Variants in ABI2 observed in about 807,000 individuals in gnomAD.
ABI2 encodes abl interactor 2.
In ABI2, 25 loss-of-function variants were observed where a neutral mutation model predicts 59.2. The observed-to-expected ratio is 0.42, with a 90% CI of 0.31 to 0.59. ABI2 has a LOEUF of 0.59. Ranked by LOEUF, ABI2 falls within the 20% of genes least tolerant of loss-of-function variation. ABI2 has a pLI of 0.14. For missense variants in ABI2, 545 were observed against 681.8 expected, an observed-to-expected ratio of 0.80 and a Z score of 2.23; for synonymous variants, 213 against 235.5, an observed-to-expected ratio of 0.90 and a Z score of 0.87.
chr2:203,392,218 T>C (rs554852715), intron 5 of ABI2, among the ~76,000 whole-genome samples: 4 of 152,096 alleles, frequency 2.6e-5, no homozygotes, highest in Non-Finnish European at 2.9e-5. Context: ...TTATGATATA[T>C]GCTAAACAAG....
Position 203,328,446 on chromosome 2 carries a change from T to G in ABI2, c.-69T>G. 7.6e-7 allele frequency: 1 copy of G among 1,323,688 alleles called. No homozygotes were observed. The allele number at this position is 1,323,688 out of a possible 1,614,324, so 82.0% of individuals were successfully genotyped here. A position where few individuals can be genotyped will look rare whatever the true frequency, so the allele number is the denominator to read the frequency against. ...CCGCTCCTCCTCTCCCGGTCCTGGG[T>G]TTCCTTGGCGCTGCGGCCGCCGCTC... On this transcript the variant is annotated 5_prime_UTR_variant, in exon 1 of 12. Transcript: ENST00000261018.
intron 8 of ABI2, among the ~76,000 whole-genome samples, chr2:203,400,635 T>C (rs1411524819): frequency 6.6e-6 from 1 of 152,198 alleles, no homozygotes; most frequent in African/African-American, 2.4e-5. Context: ...TGCTTAAGTT[T>C]TTGATACACA....
At chr2:203,399,866 TTTA>T (rs1374373561) in intron 8 of ABI2, among the ~76,000 whole-genome samples, 1 of 152,158 alleles carries the variant, frequency 6.6e-6, no homozygotes, top group Non-Finnish European at 1.5e-5. Context: ...ATTCTTCATT[TTTA>T]TTAAGTGTTA....
At chr2:203,374,727 T>C in intron 2 of ABI2, 2 of 413,078 alleles carry the variant, frequency 4.8e-6, no homozygotes, top group South Asian at 3.4e-5. Flanking sequence ...TAAATGTTTA[T>C]TTGAAACATT....
chr2:203,332,624 C>CA (rs1344445838), intron 1 of ABI2, among the ~76,000 whole-genome samples: 2 of 151,626 alleles, frequency 1.3e-5, no homozygotes, highest in Non-Finnish European at 2.9e-5. Flanking sequence ...GACTCTGTCT[C>CA]AAAAAAACAA....
chr2:203,380,097 CA>C (rs2096014613), intron 2 of ABI2, 110 bp from the exon 3 acceptor site: 1 of 655,978 alleles, frequency 1.5e-6, no homozygotes. Flanking sequence ...ATTTAGCAAG[CA>C]TAGTTTAGAA....
intron 2 of ABI2, among the ~76,000 whole-genome samples, chr2:203,373,566 T>C (rs1475546261): frequency 6.6e-6 from 1 of 152,150 alleles, no homozygotes; most frequent in Non-Finnish European, 1.5e-5. Context: ...ATCTTTTTTC[T>C]TTGCTAGTAA....
rs914094902 is a variant in ABI2, at chr2:203,430,447, G to C, written c.*3095G>C. 6.6e-6 allele frequency: 1 copy of C among 152,072 alleles called. No individual in the cohort carries two copies. The highest frequency in any genetic ancestry group is 2.1e-4 in the South Asian group (1 of 4,826). The allele number at this position is 152,072 out of a possible 1,614,324, so 9.4% of individuals were successfully genotyped here. A position where few individuals can be genotyped will look rare whatever the true frequency, so the allele number is the denominator to read the frequency against. Reference sequence around the variant, plus strand: ...GTCTTTTCTTGTCATATTAATACTCGAAAGTCCATGGTGGTATTAATGAAA... The same window carrying C: ...GTCTTTTCTTGTCATATTAATACTCCAAAGTCCATGGTGGTATTAATGAAA... On this transcript the variant is annotated 3_prime_UTR_variant, in exon 12 of 12. Coordinates refer to ENST00000261018, the MANE Select transcript of ABI2 (RefSeq NM_001375670.1).
At chr2:203,340,736 AC>A (rs2079372365) in intron 1 of ABI2, among the ~76,000 whole-genome samples, 2 of 152,008 alleles carry the variant, frequency 1.3e-5, no homozygotes, top group South Asian at 4.1e-4. Context: ...GATTGTGATA[AC>A]CATTTTACAG....
chr2:203,365,622 CTTTTTTTT>C (rs71007507), intron 1 of ABI2, among the ~76,000 whole-genome samples: 2 of 63,926 alleles, frequency 3.1e-5, no homozygotes, highest in African/African-American at 6.0e-5. Context: ...GGGCTGTTAT[CTTTTTTTT>C]TTTTTTTTTT....
At chr2:203,410,134 T>C (rs192312663) in intron 9 of ABI2, among the ~76,000 whole-genome samples, 14 of 152,324 alleles carry the variant, frequency 9.2e-5, no homozygotes, top group African/African-American at 2.2e-4. Context: ...GGTTCCCTTC[T>C]TCAAGTCCCT....
At position 203,391,105 on chromosome 2, in the gene ABI2, G is replaced by A; in HGVS notation, c.540G>A (p.Lys180=). ...GLPRTTPPTQ[K]PPSPPMSGKG... is the part of the protein sequence containing the mutation. Reference sequence around the variant, plus strand: ...CGCGTACAACACCTCCAACTCAGAAGCCCCCTAGTCCCCCTATGTCAGGGA... The same window carrying A: ...CGCGTACAACACCTCCAACTCAGAAACCCCCTAGTCCCCCTATGTCAGGGA... The change falls in exon 5 of 12, where the codon AAG becomes AAA. Residue 180 remains lysine, a synonymous_variant. Transcript: ENST00000261018. 1.2e-6 allele frequency: 2 copies of A among 1,613,876 alleles called. No individual in the cohort carries two copies. The highest frequency in any genetic ancestry group is 1.7e-6 in the Non-Finnish European group (2 of 1,179,926).
chr2:203,425,867 C>A (rs888175097), intron 11 of ABI2, among the ~76,000 whole-genome samples: 1 of 151,728 alleles, frequency 6.6e-6, no homozygotes, highest in Admixed American at 6.6e-5. Flanking sequence ...ACTAAAAATA[C>A]AAAAATTAGC....
At chr2:203,387,481 GTGTTTGAGC>G (rs2096576643) in intron 4 of ABI2, among the ~76,000 whole-genome samples, 1 of 152,200 alleles carries the variant, frequency 6.6e-6, no homozygotes, top group Admixed American at 6.5e-5. Flanking sequence ...TATTGGGAAA[GTGTTTGAGC>G]TGTGGCCATG....
chr2:203,330,281 A>G (rs2072217854), intron 1 of ABI2, among the ~76,000 whole-genome samples: 1 of 152,146 alleles, frequency 6.6e-6, no homozygotes, highest in Admixed American at 6.5e-5. Flanking sequence ...AATGTAGGCA[A>G]GATTAATACA....
chr2:203,371,268 A>T (rs1233782376), intron 2 of ABI2, among the ~76,000 whole-genome samples: 1 of 152,164 alleles, frequency 6.6e-6, no homozygotes, highest in Admixed American at 6.5e-5. Context: ...CTGTTTCCCA[A>T]ATTACTCTGA....
At chr2:203,419,552 T>C (rs1001168019) in intron 11 of ABI2, among the ~76,000 whole-genome samples, 1 of 151,350 alleles carries the variant, frequency 6.6e-6, no homozygotes, top group Non-Finnish European at 1.5e-5. Flanking sequence ...GTATTTTTTT[T>C]TTTTTTGGTA....
rs189320276 is a variant in ABI2 at position 203,426,493 on chromosome 2, G to T, written c.1454-684G>T. ...AGTGATTTAAGCAATGAAAATCACA[G>T]GAGGGCTTATAGGTATCTGATTTTC... On this transcript the variant is annotated intron_variant, in intron 11 of 11. Coordinates refer to ENST00000261018, the MANE Select transcript of ABI2 (RefSeq NM_001375670.1). Among the ~76,000 whole-genome samples the T allele has an allele frequency of 1.1e-4, 16 of 152,270 alleles. No homozygotes were observed. In the East Asian group the frequency reaches 2.9e-3, roughly 27 times the overall value.
chr2:203,384,927 C>A (rs542876017), intron 4 of ABI2, among the ~76,000 whole-genome samples: 3 of 151,326 alleles, frequency 2.0e-5, no homozygotes, highest in Non-Finnish European at 2.9e-5. Flanking sequence ...CTCCGCCTCC[C>A]GGGTTCAGGC....
Sources: allele counts gnomAD v4.1 joint callset (sites outside exome capture counted in the v4.1 genomes callset), GRCh38; gene constraint gnomAD v4.1.1; transcripts MANE v1.5; gene names NCBI Gene and HGNC (gene_info 2026-07-23, HGNC 2026-07-21).